The following ABI3BP variants were observed in gnomAD, a reference collection of about 807,000 sequenced individuals.
ABI3BP encodes the protein target of Nesh-SH3.
Under a neutral mutation model 268.6 loss-of-function variants are expected in ABI3BP, and 216 were observed. The ratio of observed to expected loss-of-function variants is 0.80; its 90% CI spans 0.72 to 0.90. The LOEUF (loss-of-function observed/expected upper bound fraction) is 0.90, where lower values mean the gene tolerates loss of function less well. Ranked by LOEUF, ABI3BP falls within the 40% of genes least tolerant of loss-of-function variation. ABI3BP has a pLI of 0.00. For synonymous variants in ABI3BP, 730 were observed against 730.0 expected (o/e 1.00, Z 0.00); for missense variants, 2,090 against 2,182.4 (o/e 0.96, Z 0.84).
At chr3:100,876,638 A>G in intron 6 of ABI3BP, 78 bp from the exon 7 acceptor site, 1 of 1,314,784 alleles carries the variant, frequency 7.6e-7, no homozygotes. Flanking sequence ...GGAGAACTGG[A>G]AGTAGCCCTT....
chr3:100,848,061 A>T (rs1286721131), intron 18 of ABI3BP, among the ~76,000 whole-genome samples: 1 of 152,176 alleles, frequency 6.6e-6, no homozygotes, highest in Non-Finnish European at 1.5e-5. Context: ...TTCTTGGAGC[A>T]TTTACAAAAA....
At chr3:100,984,573 T>G (rs1178442872) in intron 1 of ABI3BP, among the ~76,000 whole-genome samples, 1 of 152,200 alleles carries the variant, frequency 6.6e-6, no homozygotes, top group East Asian at 1.9e-4. Flanking sequence ...TTTCATAGCA[T>G]GTGTACTGAC....
intron 62 of ABI3BP, among the ~76,000 whole-genome samples, chr3:100,767,030 G>C (rs1157020789): frequency 6.6e-6 from 1 of 151,884 alleles, no homozygotes; most frequent in Non-Finnish European, 1.5e-5. Flanking sequence ...TTTTGTTGGG[G>C]AGGCTCACTG....
At position 100,978,990 on chromosome 3, in the gene ABI3BP, G is replaced by T. The variant is rs74587995; in HGVS notation, c.79+14316C>A. On this transcript the variant is annotated intron_variant, in intron 1 of 67. Transcript: ENST00000471714. ...CATACTTAGCAGATTCACTAAGTCA[G>T]TGGTTTCCAAAATGTGATCCCAGGA... Among the ~76,000 whole-genome samples, 358 of 152,320 alleles carry T rather than the reference G, an allele frequency of 2.4e-3. 1 individual carries two copies. The highest frequency in any genetic ancestry group is 8.1e-3 in the African/African-American group (335 of 41,580).
intron 51 of ABI3BP, among the ~76,000 whole-genome samples, chr3:100,799,850 T>C (rs574798074): frequency 3.3e-4 from 50 of 152,330 alleles, no homozygotes; most frequent in African/African-American, 1.1e-3. Context: ...CCTAAATCTC[T>C]GCCCCAAATC....
chr3:100,954,761 A>G (rs893840258), intron 1 of ABI3BP, among the ~76,000 whole-genome samples: 15 of 152,276 alleles, frequency 9.9e-5, no homozygotes, highest in Admixed American at 8.5e-4. Flanking sequence ...GTCCATCTGC[A>G]TTATTACTAA....
intron 63 of ABI3BP, 112 bp from the exon 64 acceptor site, chr3:100,754,803 A>G: frequency 1.2e-6 from 1 of 859,162 alleles, no homozygotes; most frequent in Non-Finnish European, 1.9e-6. Flanking sequence ...AAATTATGAC[A>G]GTGAATGGTA....
chr3:100,839,314 T>C (rs1404214232), intron 24 of ABI3BP, among the ~76,000 whole-genome samples: 1 of 152,090 alleles, frequency 6.6e-6, no homozygotes, highest in Admixed American at 6.5e-5. Flanking sequence ...CCACGACACA[T>C]ATAGGGCAGA....
chr3:100,778,416 A>G (rs1405118972), intron 58 of ABI3BP, 40 bp from the exon 59 acceptor site: 5 of 1,538,084 alleles, frequency 3.3e-6, no homozygotes, highest in Non-Finnish European at 4.4e-6. Context: ...AGATAAAGCC[A>G]TCATAAAGAT....
chr3:100,829,823 T>G (rs951972158), intron 32 of ABI3BP, among the ~76,000 whole-genome samples, 159 bp from the exon 33 acceptor site: 1 of 151,998 alleles, frequency 6.6e-6, no homozygotes, highest in Non-Finnish European at 1.5e-5. Flanking sequence ...ATCATGTAGC[T>G]TTTTCTGAAG....
At chr3:100,776,071 A>C (rs1320899750) in intron 59 of ABI3BP, among the ~76,000 whole-genome samples, 1 of 152,214 alleles carries the variant, frequency 6.6e-6, no homozygotes, top group Non-Finnish European at 1.5e-5. Context: ...TATATTCAAC[A>C]GTGACTCCTC....
intron 3 of ABI3BP, among the ~76,000 whole-genome samples, chr3:100,902,224 A>C (rs926318848): frequency 6.6e-6 from 1 of 152,234 alleles, no homozygotes; most frequent in East Asian, 1.9e-4. Context: ...TCTGAAAGGC[A>C]CAATAGTGAG....
chr3:100,879,322 AT>A (rs1356032944), intron 6 of ABI3BP, among the ~76,000 whole-genome samples: 8 of 152,126 alleles, frequency 5.3e-5, no homozygotes, highest in Non-Finnish European at 1.0e-4. Flanking sequence ...ACCAATAATC[AT>A]TTTTGTTCAG....
intron 2 of ABI3BP, 119 bp from the exon 3 acceptor site, chr3:100,902,805 G>A (rs1314016083): frequency 1.8e-5 from 13 of 730,736 alleles, no homozygotes; most frequent in Non-Finnish European, 3.0e-5. Flanking sequence ...GCTCCAGGGA[G>A]TGAGAGGACC....
intron 13 of ABI3BP, 31 bp from the exon 14 acceptor site, chr3:100,862,416 GA>G (rs1560963175): frequency 1.4e-6 from 2 of 1,443,682 alleles, no homozygotes; most frequent in East Asian, 2.4e-5. Context: ...ATTTGCTGAA[GA>G]TTTTTTTTTT....
chr3:100,786,800 A>G lies in ABI3BP; in HGVS notation c.4162+928T>C, dbSNP rs555655820. 3.3e-5 allele frequency among the ~76,000 whole-genome samples: 5 copies of G among 152,278 alleles called. No individual in the cohort carries two copies. The South Asian group carries it at 6.2e-4, about 19-fold the overall frequency. ...ATATTGAGATGCTTTCTTGCTTTTCATAAGTCATGAATTTATAGTATTGGC... is the reference window on the plus strand; with the variant it reads ...ATATTGAGATGCTTTCTTGCTTTTCGTAAGTCATGAATTTATAGTATTGGC... On this transcript the variant is annotated intron_variant, in intron 57 of 67. Coordinates refer to ENST00000471714, the MANE Select transcript of ABI3BP (RefSeq NM_001375547.2).
At chr3:100,916,993 C>A (rs2058795462) in intron 2 of ABI3BP, among the ~76,000 whole-genome samples, 1 of 152,136 alleles carries the variant, frequency 6.6e-6, no homozygotes, top group African/African-American at 2.4e-5. Flanking sequence ...TGACTCTATG[C>A]CAGATAAAAC....
At chr3:100,970,880 A>C (rs950839424) in intron 1 of ABI3BP, among the ~76,000 whole-genome samples, 2 of 152,152 alleles carry the variant, frequency 1.3e-5, no homozygotes, top group African/African-American at 4.8e-5. Context: ...TCAGTATCCA[A>C]ATGAAATGAT....
intron 56 of ABI3BP, among the ~76,000 whole-genome samples, chr3:100,788,312 C>G (rs1281400998): frequency 6.6e-6 from 1 of 152,170 alleles, no homozygotes; most frequent in African/African-American, 2.4e-5. Flanking sequence ...AACCATTTTA[C>G]TTTCTTTCCT....
Sources: allele counts gnomAD v4.1 joint callset (sites outside exome capture counted in the v4.1 genomes callset), GRCh38; gene constraint gnomAD v4.1.1; transcripts MANE v1.5; gene names NCBI Gene and HGNC (gene_info 2026-07-23, HGNC 2026-07-21).